PLXDC2: variants seen among roughly 807,000 people sequenced by gnomAD.
PLXDC2 encodes plexin domain containing 2.
PLXDC2 carries 40 observed loss-of-function variants against 68.9 expected under a neutral mutation model. The observed-to-expected ratio is 0.58, with a 90% CI of 0.45 to 0.76. The LOEUF is 0.76. Ranked by LOEUF, PLXDC2 falls within the 30% of genes least tolerant of loss-of-function variation. The pLI, the probability that PLXDC2 is intolerant of heterozygous loss-of-function variation, is 0.00. For missense variants in PLXDC2, 644 were observed against 661.9 expected (o/e 0.97, Z 0.30); for synonymous variants, 243 against 234.2 (o/e 1.04, Z -0.34).
intron 1 of PLXDC2, among the ~76,000 whole-genome samples, chr10:19,994,397 T>C (rs1834808328): frequency 6.9e-6 from 1 of 145,348 alleles, no homozygotes. Context: ...AGTATCATCA[T>C]GGCTCACTGC....
intron 1 of PLXDC2, among the ~76,000 whole-genome samples, chr10:19,820,151 C>T (rs1836436507): frequency 6.6e-6 from 1 of 152,128 alleles, no homozygotes; most frequent in Non-Finnish European, 1.5e-5. Flanking sequence ...TGTTGTTGTT[C>T]ATGGATGTCT....
In PLXDC2 at chr10:20,279,552, GA is replaced by G. The variant is rs1836053541; in HGVS notation, c.1474-149del. The stretch of plus-strand genomic sequence containing the variant: ...ACAGGGCTTGGAGGGTTGATAAGGG[GA>G]ATTCTTAATTCTGACTGTAGCTATA... On this transcript the variant is annotated intron_variant, in intron 13 of 13. Transcript: ENST00000377252. 4.6e-6 allele frequency: 3 copies of G among 655,490 alleles called. No homozygotes were observed. The East Asian group carries it at 8.2e-5, about 18-fold the overall frequency. 40.6% of individuals were successfully genotyped at this position (655,490 alleles called of 1,614,324 possible).
chr10:19,860,339 A>G (rs1056660148), intron 1 of PLXDC2, among the ~76,000 whole-genome samples: 1 of 152,190 alleles, frequency 6.6e-6, no homozygotes, highest in Non-Finnish European at 1.5e-5. Context: ...TGTGCTTGCC[A>G]TGGTACTAAG....
chr10:20,155,498 A>G (rs906024126), intron 6 of PLXDC2, among the ~76,000 whole-genome samples: 4 of 152,178 alleles, frequency 2.6e-5, no homozygotes, highest in Non-Finnish European at 5.9e-5. Context: ...TATCTAATAC[A>G]AGGAAAAGAA....
intron 9 of PLXDC2, among the ~76,000 whole-genome samples, chr10:20,201,356 G>A (rs1421260591): frequency 6.6e-6 from 1 of 151,948 alleles, no homozygotes; most frequent in Non-Finnish European, 1.5e-5. Context: ...GTGATTTCAT[G>A]GAAATAAAAT....
At chr10:20,145,657 C>T (rs1344176574) in intron 5 of PLXDC2, among the ~76,000 whole-genome samples, 1 of 152,148 alleles carries the variant, frequency 6.6e-6, no homozygotes, top group African/African-American at 2.4e-5. Flanking sequence ...TCATGCCATT[C>T]TCCTGCCTCA....
intron 3 of PLXDC2, among the ~76,000 whole-genome samples, chr10:20,062,903 C>A (rs1170391091): frequency 6.6e-6 from 1 of 151,832 alleles, no homozygotes; most frequent in Non-Finnish European, 1.5e-5. Flanking sequence ...TATAATTTTT[C>A]TTTTATTTTA....
chr10:19,935,088 A>G (rs1328839765), intron 1 of PLXDC2, among the ~76,000 whole-genome samples: 1 of 152,174 alleles, frequency 6.6e-6, no homozygotes, highest in Non-Finnish European at 1.5e-5. Context: ...TCATCAAATC[A>G]TTGATCATTT....
intron 1 of PLXDC2, among the ~76,000 whole-genome samples, chr10:19,851,869 G>A (rs956407975): frequency 1.3e-5 from 2 of 152,142 alleles, no homozygotes; most frequent in Non-Finnish European, 2.9e-5. Flanking sequence ...ATTCTTTGAA[G>A]AAGCCAAGGT....
chr10:19,971,888 GTTCTTGTGAATGTGTA>G (rs897133036), intron 1 of PLXDC2, among the ~76,000 whole-genome samples: 16 of 152,140 alleles, frequency 1.1e-4, no homozygotes. Flanking sequence ...GAGGAAGAAA[GTTCTTGTGAATGTGTA>G]ATCTCGCTGG....
At chr10:20,076,486 A>G (rs1331905836) in intron 4 of PLXDC2, among the ~76,000 whole-genome samples, 2 of 152,236 alleles carry the variant, frequency 1.3e-5, no homozygotes, top group African/African-American at 2.4e-5. Context: ...ATTAATTAAC[A>G]TATGTTAATG....
intron 13 of PLXDC2, among the ~76,000 whole-genome samples, chr10:20,266,796 C>A (rs1018308268): frequency 6.6e-6 from 1 of 152,078 alleles, no homozygotes; most frequent in Non-Finnish European, 1.5e-5. Context: ...ACAATATAGG[C>A]GCTCCAGAGA....
intron 2 of PLXDC2, among the ~76,000 whole-genome samples, chr10:20,018,004 T>G (rs1835242386): frequency 6.6e-6 from 1 of 152,238 alleles, no homozygotes; most frequent in African/African-American, 2.4e-5. Flanking sequence ...TAGGGGCATG[T>G]AGGAACCTGG....
chr10:19,914,218 T>C (rs1794185509), intron 1 of PLXDC2, among the ~76,000 whole-genome samples: 1 of 151,976 alleles, frequency 6.6e-6, no homozygotes, highest in African/African-American at 2.4e-5. Flanking sequence ...TTTCATTTCT[T>C]CTTTTATGTA....
chr10:20,214,544 A>T (rs531599485), intron 10 of PLXDC2, among the ~76,000 whole-genome samples: 54 of 152,238 alleles, frequency 3.5e-4, no homozygotes, highest in African/African-American at 1.3e-3. Context: ...CCCTTAATGT[A>T]TACAGCTCCT....
intron 1 of PLXDC2, among the ~76,000 whole-genome samples, chr10:19,837,172 TG>T (rs1324746970): frequency 1.3e-4 from 19 of 151,860 alleles, no homozygotes; most frequent in Non-Finnish European, 2.4e-4. Flanking sequence ...TGTAATCACC[TG>T]TAACATGTTA....
At chr10:19,821,378 T>A (rs1048745801) in intron 1 of PLXDC2, among the ~76,000 whole-genome samples, 1 of 152,216 alleles carries the variant, frequency 6.6e-6, no homozygotes, top group African/African-American at 2.4e-5. Flanking sequence ...TTATCTCAAG[T>A]GACACTCTCC....
At chr10:19,892,097 A>G (rs533874553) in intron 1 of PLXDC2, among the ~76,000 whole-genome samples, 1 of 152,370 alleles carries the variant, frequency 6.6e-6, no homozygotes, top group East Asian at 1.9e-4. Context: ...ATTAATATTT[A>G]CTGTAAAAAT....
intron 9 of PLXDC2, among the ~76,000 whole-genome samples, chr10:20,186,813 C>A (rs1443033621): frequency 1.3e-5 from 2 of 151,794 alleles, no homozygotes. Context: ...ATCCAGTCTA[C>A]CATTGATGGG....
Sources: allele counts gnomAD v4.1 joint callset (sites outside exome capture counted in the v4.1 genomes callset), GRCh38; gene constraint gnomAD v4.1.1; transcripts MANE v1.5; gene names NCBI Gene and HGNC (gene_info 2026-07-23, HGNC 2026-07-21).